ROBO1: variants seen among roughly 807,000 people sequenced by gnomAD.
ROBO1 encodes roundabout homolog 1.
ROBO1 carries 149 observed loss-of-function variants against 195.9 expected under a neutral mutation model. The observed-to-expected ratio is 0.76, with a 90% confidence interval of 0.67 to 0.87. The LOEUF (loss-of-function observed/expected upper bound fraction) is 0.87, where lower values mean the gene tolerates loss of function less well. Among genes scored for constraint, ROBO1 ranks in the 40% least tolerant of loss-of-function variants. ROBO1 has a pLI of 0.00. For synonymous variants in ROBO1, 816 were observed against 733.2 expected (o/e 1.11, Z -1.82); for missense variants, 1,933 against 2,068.3 (o/e 0.93, Z 1.27).
intron 8 of ROBO1, among the ~76,000 whole-genome samples, chr3:78,691,271 T>C (rs149958516): frequency 1.1e-3 from 164 of 152,250 alleles, no homozygotes; most frequent in Non-Finnish European, 1.6e-3. Flanking sequence ...TGATGAAATT[T>C]TGGATTTTTT....
At chr3:79,189,936 C>T (rs1160647204) in intron 2 of ROBO1, among the ~76,000 whole-genome samples, 1 of 151,590 alleles carries the variant, frequency 6.6e-6, no homozygotes, top group Admixed American at 6.6e-5. Flanking sequence ...TAGCCCTTTA[C>T]AATTTAATGA....
intron 3 of ROBO1, among the ~76,000 whole-genome samples, chr3:79,069,574 C>G (rs770235625): frequency 6.6e-6 from 1 of 151,904 alleles, no homozygotes; most frequent in Non-Finnish European, 1.5e-5. Context: ...CAACAAAGTC[C>G]TATAAAATTT....
At chr3:79,431,735 A>G (rs1204684704) in intron 2 of ROBO1, among the ~76,000 whole-genome samples, 1 of 152,192 alleles carries the variant, frequency 6.6e-6, no homozygotes, top group Non-Finnish European at 1.5e-5. Flanking sequence ...AAGCTAAAGC[A>G]TTGTGCAGGC....
intron 2 of ROBO1, among the ~76,000 whole-genome samples, chr3:79,285,431 G>A (rs2031826092): frequency 6.6e-6 from 1 of 152,168 alleles, no homozygotes; most frequent in Non-Finnish European, 1.5e-5. Context: ...TTGAAACCCA[G>A]AATACTAGTG....
At chr3:78,922,976 CATT>C (rs1266881353) in intron 4 of ROBO1, among the ~76,000 whole-genome samples, 6 of 152,114 alleles carry the variant, frequency 3.9e-5, no homozygotes, top group African/African-American at 9.7e-5. Flanking sequence ...CTAAGGACAT[CATT>C]GACTATTTAA....
chr3:79,332,216 T>G (rs77604225), intron 2 of ROBO1, among the ~76,000 whole-genome samples: 1 of 112,222 alleles, frequency 8.9e-6, no homozygotes, highest in South Asian at 2.6e-4. Context: ...AAAAAAAAAA[T>G]ACCATGCAGG....
chr3:79,395,340 A>AG (rs1553733527), intron 2 of ROBO1, among the ~76,000 whole-genome samples: 16 of 119,080 alleles, frequency 1.3e-4, no homozygotes, highest in African/African-American at 4.3e-4. Flanking sequence ...AAAAAAAAAA[A>AG]AAAGAAAGAA....
chr3:79,577,723 C>CAT (rs1336473595), intron 2 of ROBO1, among the ~76,000 whole-genome samples: 1 of 85,462 alleles, frequency 1.2e-5, no homozygotes, highest in Non-Finnish European at 2.4e-5. Context: ...TAAAAACACA[C>CAT]ACACACACAC....
At chr3:79,294,057 CAAAAAAA>C (rs71631641) in intron 2 of ROBO1, among the ~76,000 whole-genome samples, 45 of 29,048 alleles carry the variant, frequency 1.5e-3, no homozygotes, top group Admixed American at 8.2e-3. Flanking sequence ...GACTCCATCT[CAAAAAAA>C]AAAAAAAAAA....
At chr3:79,621,338 C>T (rs542566251) in intron 1 of ROBO1, among the ~76,000 whole-genome samples, 1 of 152,286 alleles carries the variant, frequency 6.6e-6, no homozygotes, top group South Asian at 2.1e-4. Flanking sequence ...TCTCCCTTTG[C>T]TGACTCCTTT....
chr3:78,837,470 C>T (rs971772165), intron 4 of ROBO1, among the ~76,000 whole-genome samples: 1 of 151,874 alleles, frequency 6.6e-6, no homozygotes, highest in South Asian at 2.1e-4. Flanking sequence ...TCTAGTAAAT[C>T]AATAGCTAAC....
At chr3:78,890,675 C>A (rs2036838643) in intron 4 of ROBO1, among the ~76,000 whole-genome samples, 1 of 152,170 alleles carries the variant, frequency 6.6e-6, no homozygotes, top group South Asian at 2.1e-4. Flanking sequence ...GAATACTTTA[C>A]ATGTTGAATA....
At chr3:79,538,727 A>G (rs906153782) in intron 2 of ROBO1, among the ~76,000 whole-genome samples, 10 of 152,124 alleles carry the variant, frequency 6.6e-5, no homozygotes, top group Non-Finnish European at 1.0e-4. Flanking sequence ...TTTGGTTACA[A>G]TGTTGCATTG....
chr3:79,416,750 A>G (rs1053493363), intron 2 of ROBO1, among the ~76,000 whole-genome samples: 2 of 152,272 alleles, frequency 1.3e-5, no homozygotes, highest in Non-Finnish European at 2.9e-5. Context: ...GTGTACCACT[A>G]GTTGTTACTT....
chr3:79,547,249 G>A (rs1191028903), intron 2 of ROBO1, among the ~76,000 whole-genome samples: 2 of 126,766 alleles, frequency 1.6e-5, no homozygotes, highest in Non-Finnish European at 3.3e-5. Flanking sequence ...AAGCTGTTTA[G>A]AATATAAGGT....
chr3:79,166,710 C>T lies in ROBO1; in HGVS notation c.89-41171G>A, dbSNP rs528607862. Among the ~76,000 whole-genome samples the T allele has an allele frequency of 1.8e-4, 27 of 151,962 alleles. No homozygotes were observed. The South Asian group carries it at 5.4e-3, about 30-fold the overall frequency. ...CCTCCCGACCAGCTGGGTCTATAGG[C>T]GCCCGCCACCACGCCTGGCTAATTT... On this transcript the variant is annotated intron_variant, in intron 2 of 30. Transcript: ENST00000464233.
At chr3:78,680,270 G>A (rs2080862853) in intron 10 of ROBO1, among the ~76,000 whole-genome samples, 1 of 152,080 alleles carries the variant, frequency 6.6e-6, no homozygotes, top group African/African-American at 2.4e-5. Context: ...ACATAGGCAT[G>A]GGCAAGGACT....
At chr3:78,887,295 T>C (rs1430465990) in intron 4 of ROBO1, among the ~76,000 whole-genome samples, 1 of 152,146 alleles carries the variant, frequency 6.6e-6, no homozygotes, top group Non-Finnish European at 1.5e-5. Context: ...GACTCATCTG[T>C]TAAAAAGGGC....
chr3:79,108,870 T>C (rs2079833879), intron 3 of ROBO1, among the ~76,000 whole-genome samples: 1 of 151,932 alleles, frequency 6.6e-6, no homozygotes, highest in Admixed American at 6.6e-5. Context: ...AACATCTAAA[T>C]TGCATTTGAA....
Sources: gnomAD v4.1 joint callset for allele counts (sites outside exome capture counted in the v4.1 genomes callset) on GRCh38, gnomAD v4.1.1 for gene constraint, MANE v1.5 for transcripts, NCBI Gene and HGNC (gene_info 2026-07-23, HGNC 2026-07-21) for gene names.